SLC16A5: variants seen among roughly 807,000 people sequenced by gnomAD.
SLC16A5 encodes the protein solute carrier family 16 member 5, also known as monocarboxylate transporter 6.
A neutral mutation model predicts 33.2 loss-of-function variants in SLC16A5; 29 were observed. That is an observed-to-expected ratio of 0.87 (90% confidence interval 0.65 to 1.19). SLC16A5 has a LOEUF of 1.19. Among genes scored for constraint, SLC16A5 ranks in the 50% most tolerant of loss-of-function variants. The pLI, the probability that SLC16A5 is intolerant of heterozygous loss-of-function variation, is 0.00. For missense variants in SLC16A5, 606 were observed against 678.2 expected (o/e 0.89, Z 1.18); for synonymous variants, 248 against 284.1 (o/e 0.87, Z 1.28).
intron 2 of SLC16A5, among the ~76,000 whole-genome samples, chr17:75,092,360 CTTTT>C (rs150596125): frequency 1.4e-5 from 2 of 139,170 alleles, no homozygotes; most frequent in Non-Finnish European, 1.6e-5. Context: ...AAGTGTGTGT[CTTTT>C]TTTTTTTTTT....
intron 3 of SLC16A5, among the ~76,000 whole-genome samples, chr17:75,095,964 C>T (rs985805423): frequency 6.6e-6 from 1 of 151,606 alleles, no homozygotes. Context: ...CAGACCATAC[C>T]CAGCTAATTT....
downstream of SLC16A5, among the ~76,000 whole-genome samples, chr17:75,109,082 C>T (rs887137517): frequency 3.3e-5 from 5 of 152,176 alleles, no homozygotes; most frequent in Admixed American, 1.3e-4. The surrounding 1 kb of genome is among the most constrained non-coding windows in gnomAD (Gnocchi z 5.0). Context: ...GGCTAGACCA[C>T]CTCCTTCCCT....
intron 3 of SLC16A5, among the ~76,000 whole-genome samples, chr17:75,095,215 C>T (rs889816911): frequency 1.3e-5 from 2 of 152,230 alleles, no homozygotes; most frequent in African/African-American, 2.4e-5. Context: ...AGCTCTGAAT[C>T]TGCCACATGG....
At chr17:75,108,823 T>A (rs2073883460), downstream of SLC16A5, among the ~76,000 whole-genome samples, 1 of 151,508 alleles carries the variant, frequency 6.6e-6, no homozygotes, top group Admixed American at 6.6e-5. Flanking sequence ...TTCAAAAGTA[T>A]GTTTTGTGCA....
chr17:75,102,892 C>T (rs2073817740), intron 5 of SLC16A5, among the ~76,000 whole-genome samples: 1 of 129,176 alleles, frequency 7.7e-6, no homozygotes, highest in Non-Finnish European at 1.7e-5. Flanking sequence ...GCCACACGCC[C>T]GGCTAATTTT....
In SLC16A5 at chr17:75,104,127, T is replaced by G; in HGVS notation, c.1311T>G (p.Asp437Glu). 6.2e-7 allele frequency: 1 copy of G among 1,614,184 alleles called. No homozygotes were observed. The highest frequency in any genetic ancestry group is 8.5e-7 in the Non-Finnish European group (1 of 1,180,038). ...QAVAADALER[D>E]LFLEAKDGPG... ...TCGCGGCGGATGCCCTGGAGCGGGA[T>G]CTTTTCTTGGAAGCCAAAGACGGTC... The change falls in exon 6 of 7, where the codon GAT (aspartate) becomes GAG (glutamate). Residue 437 changes from aspartate (D) to glutamate (E), a missense_variant. Physicochemically the swap from Asp to Glu is conservative, Grantham distance 45. Coordinates refer to ENST00000329783, the MANE Select transcript of SLC16A5 (RefSeq NM_004695.4).
At chr17:75,091,524 G>T (rs185520788) in intron 2 of SLC16A5, among the ~76,000 whole-genome samples, 1 of 152,304 alleles carries the variant, frequency 6.6e-6, no homozygotes, top group African/African-American at 2.4e-5. Flanking sequence ...GGTCACCTTG[G>T]TGGGGCTCCC....
chr17:75,109,943 G>C (rs2073893840), downstream of SLC16A5: 1 of 265,820 alleles, frequency 3.8e-6, no homozygotes, highest in Admixed American at 5.1e-5. This position sits in a 1 kb window ranked among gnomAD's most constrained non-coding sequence, Gnocchi z 5.0. Flanking sequence ...CGGGGGTAGG[G>C]ACAGCGCGGC....
Position 75,100,161 on chromosome 17 carries a change from G to C in SLC16A5, c.498G>C (p.Leu166=). Residue 166 remains leucine (L), a synonymous_variant, in exon 5 of 7, where the codon CTG becomes CTC. Transcript: ENST00000329783. ...PLLSRYLLEN[L]GWRGTFLVFG... ...TCTCCCGCTACCTTCTGGAGAACCT[G>C]GGCTGGAGGGGTACCTTCCTTGTCT... 6.2e-7 allele frequency: 1 copy of C among 1,614,218 alleles called. No individual in the cohort carries two copies. The highest frequency in any genetic ancestry group is 8.5e-7 in the Non-Finnish European group (1 of 1,180,026).
intron 5 of SLC16A5, among the ~76,000 whole-genome samples, chr17:75,101,729 G>C (rs1336356594): frequency 6.6e-6 from 1 of 151,966 alleles, no homozygotes; most frequent in African/African-American, 2.4e-5. Context: ...CAACCTGCCA[G>C]ACTCAAGTGA....
rs2073744981 is a variant in SLC16A5 at position 75,098,142 on chromosome 17, A to C, written c.304A>C (p.Asn102His). ...CATGGTGGCCAGCTCCTTCTCTCAC[A>C]ACCTCAGCCAGCTCTACTTCACAGC... ...LGMVASSFSH[N>H]LSQLYFTAGF... Residue 102 changes from asparagine to histidine, a missense_variant, in exon 4 of 7, where the codon AAC (asparagine) becomes CAC (histidine). Transcript: ENST00000329783. The C allele has an allele frequency of 6.2e-7, 1 of 1,612,186 alleles. No homozygotes were observed. Among genetic ancestry groups the C allele is most frequent in the Admixed American group, 1.7e-5 (1 of 59,654 alleles).
At chr17:75,105,557 CCA>C in intron 6 of SLC16A5, 2 of 985,358 alleles carry the variant, frequency 2.0e-6, no homozygotes, top group Non-Finnish European at 2.4e-6. Flanking sequence ...TCCAAGCTCC[CCA>C]CACACACATC....
intron 4 of SLC16A5, among the ~76,000 whole-genome samples, chr17:75,099,403 G>C (rs1203937740): frequency 2.6e-5 from 4 of 152,056 alleles, no homozygotes; most frequent in Non-Finnish European, 5.9e-5. Context: ...AGCCAAGAGA[G>C]ACTTAATCCA....
chr17:75,095,994 G>A (rs186193858), intron 3 of SLC16A5, among the ~76,000 whole-genome samples: 5 of 151,678 alleles, frequency 3.3e-5, no homozygotes, highest in Admixed American at 6.6e-5. Flanking sequence ...TTGTAGAGAC[G>A]GGGTCTCACT....
intron 3 of SLC16A5, among the ~76,000 whole-genome samples, chr17:75,096,679 G>GCC (rs1419347557): frequency 2.0e-5 from 3 of 150,218 alleles, no homozygotes. Context: ...TTACAGGCAT[G>GCC]CGCCACCACA....
chr17:75,098,194 T>C lies in SLC16A5; in HGVS notation c.343+13T>C, dbSNP rs1160611378. 2 of 1,611,820 alleles carry C rather than the reference T, an allele frequency of 1.2e-6. No individual in the cohort carries two copies. Among genetic ancestry groups the C allele is most frequent in the Non-Finnish European group, 1.7e-6 (2 of 1,179,226 alleles). On this transcript the variant is annotated intron_variant, in intron 4 of 6. Coordinates refer to ENST00000329783, the MANE Select transcript of SLC16A5 (RefSeq NM_004695.4). ...GGATTCATCACAGGTGACTATCACT[T>C]CATCTCCAGAATTTATAGGCACCTG... is the stretch of plus-strand genomic sequence containing the variant.
chr17:75,098,170 G>T lies in SLC16A5; in HGVS notation c.332G>T (p.Gly111Val). 1 of 1,613,030 alleles carries T rather than the reference G, an allele frequency of 6.2e-7. No homozygotes were observed. Among genetic ancestry groups the T allele is most frequent in the South Asian group, 1.1e-5 (1 of 90,920 alleles). ...CTCAGCCAGCTCTACTTCACAGCAG[G>T]ATTCATCACAGGTGACTATCACTTC... is the stretch of plus-strand genomic sequence containing the variant. ...HNLSQLYFTA[G>V]FITGLGMCFS... Residue 111 changes from glycine to valine, a missense_variant, in exon 4 of 7, where the codon GGA (glycine) becomes GTA (valine). Transcript: ENST00000329783.
At chr17:75,088,858 G>A (rs1046820922) in intron 1 of SLC16A5, 1 of 152,268 alleles carries the variant, frequency 6.6e-6, no homozygotes, top group East Asian at 1.9e-4. Context: ...CCAGGGCCTA[G>A]TGAGGCCCCT....
At chr17:75,091,828 G>A (rs1402435519) in intron 2 of SLC16A5, among the ~76,000 whole-genome samples, 2 of 152,226 alleles carry the variant, frequency 1.3e-5, no homozygotes, top group Non-Finnish European at 2.9e-5. Context: ...GCCCCCAGGC[G>A]GTGAGGTCTG....
Sources: gnomAD v4.1 joint callset for allele counts (sites outside exome capture counted in the v4.1 genomes callset) on GRCh38, gnomAD v4.1.1 for gene constraint, Gnocchi (gnomAD v3.1) non-coding constraint, MANE v1.5 for transcripts, NCBI Gene and HGNC (gene_info 2026-07-23, HGNC 2026-07-21) for gene names.